CDH23: variants seen among roughly 807,000 people sequenced by gnomAD.
The protein encoded by CDH23 is cadherin-23.
In CDH23, 189 loss-of-function variants were observed where a neutral mutation model predicts 317.1. The ratio of observed to expected loss-of-function variants is 0.60; its 90% CI spans 0.53 to 0.67. The LOEUF (loss-of-function observed/expected upper bound fraction) is 0.67, where lower values mean the gene tolerates loss of function less well. Ranked by LOEUF, CDH23 falls within the 30% of genes least tolerant of loss-of-function variation. CDH23 has a pLI of 0.00. For synonymous variants in CDH23, 1,839 were observed against 1,876.8 expected, an observed-to-expected ratio of 0.98 and a Z score of 0.52; for missense variants, 4,401 against 4,592.4, an observed-to-expected ratio of 0.96 and a Z score of 1.20.
chr10:71,752,918 C>G, intron 38 of CDH23: 1 of 1,592,620 alleles, frequency 6.3e-7, no homozygotes, highest in Non-Finnish European at 8.6e-7. Flanking sequence ...ACAGAAGTAT[C>G]TCTTCCTGGA....
At chr10:71,518,625 C>T (rs139163345) in intron 6 of CDH23, among the ~76,000 whole-genome samples, 6 of 152,368 alleles carry the variant, frequency 3.9e-5, no homozygotes, top group African/African-American at 1.2e-4. Context: ...TCCGTGATTT[C>T]GGTCATCAGC....
chr10:71,803,170 A>G (rs1841608050), intron 54 of CDH23, 39 bp from the exon 55 acceptor site: 1 of 1,605,568 alleles, frequency 6.2e-7, no homozygotes, highest in Non-Finnish European at 8.5e-7. Flanking sequence ...CGTGGGAAGG[A>G]TGTCTCAACC....
At chr10:71,804,280 A>G (rs928397116) in intron 55 of CDH23, among the ~76,000 whole-genome samples, 8 of 152,166 alleles carry the variant, frequency 5.3e-5, no homozygotes, top group Non-Finnish European at 8.8e-5. Context: ...GAGGCTGAGC[A>G]TCAAAATAAG....
chr10:71,502,094 G>C (rs1402130599), intron 3 of CDH23, among the ~76,000 whole-genome samples: 1 of 151,204 alleles, frequency 6.6e-6, no homozygotes, highest in Non-Finnish European at 1.5e-5. Flanking sequence ...AGGGGGCTTT[G>C]TCTGTTTGGT....
intron 3 of CDH23, among the ~76,000 whole-genome samples, chr10:71,488,669 T>A (rs576383856): frequency 3.3e-5 from 5 of 152,330 alleles, no homozygotes; most frequent in Non-Finnish European, 5.9e-5. Flanking sequence ...CTGGCAACAA[T>A]CAGTGGGAAC....
At chr10:71,502,335 C>G (rs988717483) in intron 3 of CDH23, among the ~76,000 whole-genome samples, 2 of 152,154 alleles carry the variant, frequency 1.3e-5, no homozygotes, top group African/African-American at 4.8e-5. Flanking sequence ...TGCATGGAAC[C>G]CTGTATTGTG....
At chr10:71,613,405 C>A (rs964155421) in intron 9 of CDH23, among the ~76,000 whole-genome samples, 13 of 152,188 alleles carry the variant, frequency 8.5e-5, no homozygotes, top group African/African-American at 2.4e-4. Flanking sequence ...TACAGTGACA[C>A]CCCCTCCTGG....
At chr10:71,524,807 C>T (rs576109909) in intron 6 of CDH23, among the ~76,000 whole-genome samples, 4 of 152,130 alleles carry the variant, frequency 2.6e-5, no homozygotes, top group Non-Finnish European at 5.9e-5. Flanking sequence ...AGGACAGGAG[C>T]CAAAGAATGT....
At chr10:71,523,422 A>G (rs1053234144) in intron 6 of CDH23, among the ~76,000 whole-genome samples, 1 of 152,156 alleles carries the variant, frequency 6.6e-6, no homozygotes, top group African/African-American at 2.4e-5. Context: ...CAAACCTTAG[A>G]AAAAAATATT....
intron 8 of CDH23, among the ~76,000 whole-genome samples, chr10:71,577,271 G>A (rs777454561): frequency 3.3e-5 from 5 of 151,996 alleles, no homozygotes; most frequent in Non-Finnish European, 7.4e-5. Context: ...TTCTCCATCA[G>A]TGCTGCAGAG....
At chr10:71,400,747 C>T (rs1051183309) in intron 1 of CDH23, among the ~76,000 whole-genome samples, 3 of 152,062 alleles carry the variant, frequency 2.0e-5, no homozygotes, top group East Asian at 1.9e-4. Flanking sequence ...TGCAGTGAGC[C>T]GAGATCATGC....
intron 1 of CDH23, among the ~76,000 whole-genome samples, chr10:71,404,581 A>G (rs1344773282): frequency 6.6e-6 from 1 of 152,270 alleles, no homozygotes; most frequent in East Asian, 1.9e-4. Flanking sequence ...AGCTTGTTCA[A>G]GGAACCCAGA....
chr10:71,585,126 C>T (rs1393763606), intron 9 of CDH23, among the ~76,000 whole-genome samples: 1 of 152,066 alleles, frequency 6.6e-6, no homozygotes, highest in Admixed American at 6.5e-5. Flanking sequence ...GCGGGGAGGT[C>T]TGGGGGTCAT....
chr10:71,662,262 G>T (rs1863706051), intron 14 of CDH23, among the ~76,000 whole-genome samples: 1 of 152,094 alleles, frequency 6.6e-6, no homozygotes, highest in South Asian at 2.1e-4. Flanking sequence ...TCATTAGTGA[G>T]CCGCATGTGC....
chr10:71,737,593 T>C (rs750852021), intron 34 of CDH23: 1 of 438,636 alleles, frequency 2.3e-6, no homozygotes, highest in Non-Finnish European at 4.6e-6. Context: ...TGGGAGCCCC[T>C]GAACCCCACA....
chr10:71,460,292 C>G (rs968797394), intron 3 of CDH23, among the ~76,000 whole-genome samples: 1 of 152,236 alleles, frequency 6.6e-6, no homozygotes. Flanking sequence ...GTGGACAGGG[C>G]ACAAGATCCT....
At chr10:71,724,229 G>A (rs1468548238) in intron 29 of CDH23, 124 bp downstream of exon 29, 57 of 950,602 alleles carry the variant, frequency 6.0e-5, no homozygotes, top group Non-Finnish European at 8.4e-5. Flanking sequence ...TACATGGGGC[G>A]AGGCCAGAGG....
At chr10:71,697,532 G>A (rs1431053998) in intron 22 of CDH23, among the ~76,000 whole-genome samples, 5 of 152,098 alleles carry the variant, frequency 3.3e-5, no homozygotes, top group Non-Finnish European at 5.9e-5. Flanking sequence ...AAGTAGCCAG[G>A]TGTGGTGGTG....
chr10:71,712,907 G>A (rs757137758), intron 28 of CDH23, 94 bp downstream of exon 28: 50 of 1,447,418 alleles, frequency 3.5e-5, no homozygotes, highest in African/African-American at 5.6e-5. Flanking sequence ...CACCAGAGGC[G>A]GAAGCAGGTG....
Sources: gnomAD v4.1 joint callset for allele counts (sites outside exome capture counted in the v4.1 genomes callset) on GRCh38, gnomAD v4.1.1 for gene constraint, MANE v1.5 for transcripts, NCBI Gene and HGNC (gene_info 2026-07-23, HGNC 2026-07-21) for gene names.